DYSF: variants seen among roughly 807,000 people sequenced by gnomAD.
The protein encoded by DYSF is dystrophy-associated fer-1-like 1.
DYSF carries 212 observed loss-of-function variants against 274.9 expected under a neutral mutation model. The ratio of observed to expected loss-of-function variants is 0.77; its 90% CI spans 0.69 to 0.86. The LOEUF is 0.86. DYSF is among the 40% of genes least tolerant of loss of function. DYSF has a pLI of 0.00. For missense variants in DYSF, 2,666 were observed against 2,783.2 expected (o/e 0.96, Z 0.95); for synonymous variants, 1,091 against 1,078.7 (o/e 1.01, Z -0.22).
intron 1 of DYSF, 131 bp from the exon 2 acceptor site, chr2:71,480,750 AGG>A (rs1188916726): frequency 4.3e-5 from 34 of 793,226 alleles, no homozygotes; most frequent in Non-Finnish European, 4.4e-6. Flanking sequence ...GCGGGTTCTC[AGG>A]GAATCTGTTG....
At chr2:71,559,684 C>A (rs938478361) in intron 22 of DYSF, among the ~76,000 whole-genome samples, 11 of 152,252 alleles carry the variant, frequency 7.2e-5, no homozygotes, top group Non-Finnish European at 1.5e-5. Flanking sequence ...GCCCTTCCCA[C>A]TCTTTGGGCC....
exon 1 of DYSF, chr2:71,453,970 G>C (rs1249451572): frequency 6.2e-7 from 1 of 1,612,380 alleles, no homozygotes; most frequent in African/African-American, 1.3e-5. Flanking sequence ...TTTGCGCCCT[G>C]GGCGCACGGG....
intron 40 of DYSF, among the ~76,000 whole-genome samples, chr2:71,614,881 T>C (rs1312521371): frequency 5.3e-5 from 8 of 152,168 alleles, no homozygotes; most frequent in Admixed American, 5.2e-4. Context: ...CAGATGTCCC[T>C]ATGTGAAATT....
At chr2:71,507,799 G>A (rs535558438) in intron 4 of DYSF, among the ~76,000 whole-genome samples, 2 of 152,314 alleles carry the variant, frequency 1.3e-5, no homozygotes, top group East Asian at 3.9e-4. Flanking sequence ...CGCTCACAAG[G>A]GCCTCATGCT....
At chr2:71,574,446 G>A (rs976486608) in intron 30 of DYSF, 75 bp downstream of exon 30, 5 of 1,553,408 alleles carry the variant, frequency 3.2e-6, no homozygotes, top group Non-Finnish European at 4.4e-6. Context: ...GCTGATGTGG[G>A]AGAGGCACAG....
chr2:71,656,401 G>A (rs746937128), intron 43 of DYSF, 111 bp downstream of exon 43: 91 of 1,482,004 alleles, frequency 6.1e-5, no homozygotes, highest in Non-Finnish European at 8.1e-5. Flanking sequence ...GCTGATGTTG[G>A]TGACCACATG....
At chr2:71,601,570 A>T in intron 35 of DYSF, 42 bp downstream of exon 35, 1 of 1,613,406 alleles carries the variant, frequency 6.2e-7, no homozygotes, top group East Asian at 2.2e-5. Context: ...ACTGATTGCC[A>T]GTCTCCCTGT....
At chr2:71,617,164 G>T (rs1431124851) in intron 40 of DYSF, among the ~76,000 whole-genome samples, 2 of 152,200 alleles carry the variant, frequency 1.3e-5, no homozygotes, top group Non-Finnish European at 2.9e-5. Flanking sequence ...AGGTAGAGGG[G>T]CTCCTCTTCA....
At chr2:71,495,640 G>C (rs2084303226) in intron 3 of DYSF, among the ~76,000 whole-genome samples, 1 of 152,028 alleles carries the variant, frequency 6.6e-6, no homozygotes, top group Non-Finnish European at 1.5e-5. Context: ...TTCTTTTTCA[G>C]TCTGAGCCGT....
chr2:71,544,818 G>C (rs185974857), intron 17 of DYSF, among the ~76,000 whole-genome samples: 2 of 152,242 alleles, frequency 1.3e-5, no homozygotes, highest in African/African-American at 4.8e-5. Flanking sequence ...GCTATCAGAG[G>C]CATGTACCTG....
intron 1 of DYSF, among the ~76,000 whole-genome samples, chr2:71,469,993 T>C (rs890076287): frequency 5.3e-5 from 8 of 152,222 alleles, no homozygotes; most frequent in African/African-American, 1.9e-4. Context: ...TTCTAGGTGC[T>C]TGGATGCATA....
intron 36 of DYSF, chr2:71,610,953 A>G: frequency 2.2e-6 from 1 of 463,732 alleles, no homozygotes; most frequent in Non-Finnish European, 4.0e-6. Context: ...GGAGCAGCTC[A>G]GGGGGCATCA....
intron 3 of DYSF, among the ~76,000 whole-genome samples, chr2:71,483,682 C>T (rs1299035381): frequency 6.6e-6 from 1 of 152,186 alleles, no homozygotes; most frequent in Non-Finnish European, 1.5e-5. Flanking sequence ...ATATACAAGA[C>T]CTTTTCCCAT....
At position 71,551,689 on chromosome 2, in the gene DYSF, A is replaced by G; in HGVS notation, c.1775A>G (p.Asp592Gly). The stretch of plus-strand genomic sequence containing the variant: ...GAGCACAGTGAACAGAAGGTGGAGG[A>G]CCTTCCTGCGGATGACATCCTCCGG... Reference protein sequence around the residue: ...LVEHSEQKVEDLPADDILRVE... With the variant: ...LVEHSEQKVEGLPADDILRVE... The change falls in exon 19 of 56, where the codon GAC becomes GGC. Residue 592 changes from aspartate (D) to glycine (G), a missense_variant. This residue lies in a region of DYSF where 794 missense variants were observed against 777.1 expected (regional missense o/e 1.02). Coordinates refer to ENST00000410020, the MANE Select transcript of DYSF (RefSeq NM_001130987.2). 6.2e-7 allele frequency: 1 copy of G among 1,608,862 alleles called. No homozygotes were observed. Among genetic ancestry groups the G allele is most frequent in the Non-Finnish European group, 8.5e-7 (1 of 1,179,054 alleles).
At chr2:71,489,109 C>T (rs886206517) in intron 3 of DYSF, among the ~76,000 whole-genome samples, 1 of 152,168 alleles carries the variant, frequency 6.6e-6, no homozygotes, top group Non-Finnish European at 1.5e-5. Flanking sequence ...ACCTTGCTTT[C>T]TTCCATTCTT....
At chr2:71,605,620 G>A (rs1026399780) in intron 36 of DYSF, among the ~76,000 whole-genome samples, 2 of 152,114 alleles carry the variant, frequency 1.3e-5, no homozygotes, top group African/African-American at 2.4e-5. Context: ...GGGAGGGATC[G>A]TATGCTTTGT....
intron 29 of DYSF, among the ~76,000 whole-genome samples, chr2:71,572,851 G>A (rs1432320685): frequency 6.6e-6 from 1 of 152,192 alleles, no homozygotes; most frequent in Non-Finnish European, 1.5e-5. Context: ...GTGTACATTG[G>A]CTGGTGAGGG....
chr2:71,641,941 C>T (rs2094492219), intron 41 of DYSF, among the ~76,000 whole-genome samples: 1 of 152,018 alleles, frequency 6.6e-6, no homozygotes, highest in Admixed American at 6.6e-5. Flanking sequence ...TCCAAAGATG[C>T]TGGAAAAGAA....
intron 36 of DYSF, among the ~76,000 whole-genome samples, chr2:71,607,635 A>G (rs1181592692): frequency 6.6e-6 from 1 of 152,104 alleles, no homozygotes. Flanking sequence ...GCTTGCACTG[A>G]GCAAAGGAGA....
Sources: allele counts gnomAD v4.1 joint callset (sites outside exome capture counted in the v4.1 genomes callset), GRCh38; gene constraint gnomAD v4.1.1; regional missense constraint gnomAD v4.1.1; transcripts MANE v1.5; gene names NCBI Gene and HGNC (gene_info 2026-07-23, HGNC 2026-07-21).